Variants in NCALD observed in about 807,000 individuals in gnomAD.
The protein encoded by NCALD is neurocalcin-delta.
In NCALD, 10 loss-of-function variants were observed where a neutral mutation model predicts 18.6. The ratio of observed to expected loss-of-function variants is 0.54; its 90% CI spans 0.33 to 0.91. NCALD has a LOEUF of 0.91. NCALD is among the 40% of genes least tolerant of loss of function. NCALD has a pLI of 0.03. For missense variants in NCALD, 184 were observed against 247.6 expected, an observed-to-expected ratio of 0.74 and a Z score of 1.72; for synonymous variants, 88 against 87.4, an observed-to-expected ratio of 1.01 and a Z score of -0.04.
At chr8:101,873,909 A>G (rs1161498909) in intron 4 of NCALD, among the ~76,000 whole-genome samples, 4 of 152,202 alleles carry the variant, frequency 2.6e-5, no homozygotes, top group Non-Finnish European at 5.9e-5. Flanking sequence ...TTGCCATTAA[A>G]TTTACAATTA....
At chr8:102,088,353 T>C (rs1824809381) in intron 1 of NCALD, among the ~76,000 whole-genome samples, 1 of 152,236 alleles carries the variant, frequency 6.6e-6, no homozygotes, top group African/African-American at 2.4e-5. Context: ...AGAGTACCTG[T>C]GAGGTTACTT....
chr8:101,819,875 G>C (rs989336004), intron 4 of NCALD, among the ~76,000 whole-genome samples: 6 of 152,138 alleles, frequency 3.9e-5, no homozygotes, highest in Admixed American at 1.3e-4. Context: ...ATGAGCTGGC[G>C]GACATTCCAG....
chr8:101,993,261 C>A (rs1487195457), intron 2 of NCALD, among the ~76,000 whole-genome samples: 1 of 151,856 alleles, frequency 6.6e-6, no homozygotes, highest in Non-Finnish European at 1.5e-5. Context: ...ATTTAGAATG[C>A]CGTACCCCAA....
At chr8:101,997,118 A>T (rs1821267269) in intron 2 of NCALD, among the ~76,000 whole-genome samples, 1 of 152,178 alleles carries the variant, frequency 6.6e-6, no homozygotes, top group Admixed American at 6.5e-5. Flanking sequence ...CTTTGCTCAA[A>T]ATTTCCATTA....
At chr8:101,911,062 A>C (rs1817777109) in intron 3 of NCALD, among the ~76,000 whole-genome samples, 1 of 152,168 alleles carries the variant, frequency 6.6e-6, no homozygotes, top group Admixed American at 6.5e-5. Context: ...CCTACAAAGA[A>C]AACAACCCCA....
At chr8:101,932,499 G>A (rs2131711464) in intron 2 of NCALD, among the ~76,000 whole-genome samples, 1 of 152,226 alleles carries the variant, frequency 6.6e-6, no homozygotes, top group South Asian at 2.1e-4. Flanking sequence ...CAGGGTGTGT[G>A]TCTTTTATAT....
At chr8:101,753,075 G>A (rs550453142) in intron 1 of NCALD, among the ~76,000 whole-genome samples, 38 of 152,244 alleles carry the variant, frequency 2.5e-4, no homozygotes, top group Admixed American at 2.4e-3. Flanking sequence ...GAGGCACAGA[G>A]AATATACAAA....
At chr8:101,911,282 GAGGAGAAGGGGGGAGA>G (rs1554661455) in intron 3 of NCALD, among the ~76,000 whole-genome samples, 2 of 149,006 alleles carry the variant, frequency 1.3e-5, no homozygotes, top group Non-Finnish European at 3.0e-5. Context: ...AAAAAAAAAA[GAGGAGAAGGGGGGAGA>G]AGGAGAAGGG....
intron 1 of NCALD, among the ~76,000 whole-genome samples, chr8:101,769,529 G>T (rs573793005): frequency 6.6e-6 from 1 of 152,166 alleles, no homozygotes; most frequent in East Asian, 1.9e-4. Flanking sequence ...CCTCGAAGTG[G>T]CTCACATTGA....
rs527503533 is a variant in NCALD at position 102,006,322 on chromosome 8, A to T, written c.-157+13915T>A. On this transcript the variant is annotated intron_variant, in intron 2 of 6. Transcript: ENST00000311028. ...TTTCATTGGTTCTCTTTTTTTTTTT[A>T]AAGTAAGCAATGGGCCCCTAATAAC... is the stretch of plus-strand genomic sequence containing the variant. Among the ~76,000 whole-genome samples the T allele has an allele frequency of 3.3e-3, 501 of 150,988 alleles. 4 individuals are homozygous for T. Among genetic ancestry groups the T allele is most frequent in the Admixed American group, 4.8e-3 (73 of 15,240 alleles).
At chr8:102,006,893 G>T (rs1278854736) in intron 2 of NCALD, among the ~76,000 whole-genome samples, 1 of 152,144 alleles carries the variant, frequency 6.6e-6, no homozygotes, top group Non-Finnish European at 1.5e-5. Context: ...GTCCTGCTGG[G>T]TCCCTCAGTG....
At chr8:102,024,691 G>A (rs1292231208) in intron 1 of NCALD, among the ~76,000 whole-genome samples, 1 of 152,096 alleles carries the variant, frequency 6.6e-6, no homozygotes, top group Non-Finnish European at 1.5e-5. Flanking sequence ...CATTTCCATT[G>A]CCTTAATTAA....
chr8:102,092,429 T>TTGTGTGAGATCTAAGAACCCTC (rs1449616234), intron 1 of NCALD, among the ~76,000 whole-genome samples: 6 of 152,268 alleles, frequency 3.9e-5, no homozygotes, highest in African/African-American at 1.4e-4. Flanking sequence ...GAACTCTTTC[T>TTGTGTGAGATCTAAGAACCCTC]TGTGTGAGAT....
At chr8:102,084,885 T>C (rs1260895317) in intron 1 of NCALD, among the ~76,000 whole-genome samples, 7 of 152,210 alleles carry the variant, frequency 4.6e-5, no homozygotes, top group Admixed American at 4.6e-4. Context: ...GACCATCACC[T>C]GATGGTCTCC....
chr8:101,828,110 C>CT (rs1390411011), intron 4 of NCALD, among the ~76,000 whole-genome samples: 5 of 152,208 alleles, frequency 3.3e-5, no homozygotes, highest in African/African-American at 1.2e-4. Flanking sequence ...ACCTTGATCC[C>CT]TGCCCTGTCT....
At chr8:101,902,710 C>T (rs778823731) in intron 3 of NCALD, among the ~76,000 whole-genome samples, 1 of 152,340 alleles carries the variant, frequency 6.6e-6, no homozygotes, top group East Asian at 1.9e-4. Context: ...CCTCAAATCC[C>T]GGACTGATGC....
chr8:101,843,165 G>T (rs1430719034), intron 4 of NCALD, among the ~76,000 whole-genome samples: 1 of 152,142 alleles, frequency 6.6e-6, no homozygotes, highest in Non-Finnish European at 1.5e-5. Context: ...TATATCCCTA[G>T]CATGTAACAC....
chr8:101,744,619 C>G (rs984849233), intron 1 of NCALD, among the ~76,000 whole-genome samples: 1 of 152,170 alleles, frequency 6.6e-6, no homozygotes, highest in African/African-American at 2.4e-5. Flanking sequence ...TACCATATAT[C>G]TTCATTGTCA....
chr8:102,079,385 G>A (rs1824451787), intron 1 of NCALD, among the ~76,000 whole-genome samples: 1 of 152,118 alleles, frequency 6.6e-6, no homozygotes, highest in African/African-American at 2.4e-5. Context: ...CGTTTTCTAG[G>A]GAGAGAAACT....
Sources: allele counts gnomAD v4.1 joint callset (sites outside exome capture counted in the v4.1 genomes callset), GRCh38; gene constraint gnomAD v4.1.1; transcripts MANE v1.5; gene names NCBI Gene and HGNC (gene_info 2026-07-23, HGNC 2026-07-21).